PPP1R12A: variants seen among roughly 807,000 people sequenced by gnomAD.
PPP1R12A encodes the protein myosin binding subunit.
A neutral mutation model predicts 139.6 loss-of-function variants in PPP1R12A; 19 were observed. That is an observed-to-expected ratio of 0.14 (90% CI 0.09 to 0.20). The LOEUF is 0.20. Ranked by LOEUF, PPP1R12A falls within the 10% of genes least tolerant of loss-of-function variation. PPP1R12A has a pLI of 1.00. For synonymous variants in PPP1R12A, 427 were observed against 420.6 expected, an observed-to-expected ratio of 1.02 and a Z score of -0.19; for missense variants, 925 against 1,211.5, an observed-to-expected ratio of 0.76 and a Z score of 3.51.
At chr12:79,854,100 A>G (rs964911717) in intron 2 of PPP1R12A, among the ~76,000 whole-genome samples, 1 of 152,182 alleles carries the variant, frequency 6.6e-6, no homozygotes, top group Non-Finnish European at 1.5e-5. Context: ...TTTTATGGTA[A>G]GATCAAGAAA....
Position 79,861,479 on chromosome 12 carries a change from G to A in PPP1R12A, c.368+11329C>T, listed in dbSNP as rs149909468. 2.7e-3 allele frequency among the ~76,000 whole-genome samples: 410 copies of A among 152,284 alleles called. 1 individual carries two copies. The highest frequency in any genetic ancestry group is 9.2e-3 in the African/African-American group (381 of 41,566). ...ACTGGTTGGACAGTGGGTGCAGCCC[G>A]CAGAGGGCGAGCTGAAGCAGGGCGG... On this transcript the variant is annotated intron_variant, in intron 2 of 24. Coordinates refer to ENST00000450142, the MANE Select transcript of PPP1R12A (RefSeq NM_002480.3).
chr12:79,889,326 A>G (rs1884384894), intron 1 of PPP1R12A, among the ~76,000 whole-genome samples: 1 of 152,174 alleles, frequency 6.6e-6, no homozygotes, highest in Non-Finnish European at 1.5e-5. Context: ...AATGGCCTAC[A>G]TAGTAACATG....
intron 1 of PPP1R12A, among the ~76,000 whole-genome samples, chr12:79,907,670 A>C (rs1240509017): frequency 6.6e-6 from 1 of 152,218 alleles, no homozygotes; most frequent in Non-Finnish European, 1.5e-5. Context: ...AGGCCAAGGC[A>C]GGAGGATCAC....
intron 1 of PPP1R12A, among the ~76,000 whole-genome samples, chr12:79,932,995 C>T (rs1888360695): frequency 6.6e-6 from 1 of 152,124 alleles, no homozygotes; most frequent in African/African-American, 2.4e-5. Flanking sequence ...GTGTAAAGTA[C>T]ACTTGAAAGA....
intron 1 of PPP1R12A, among the ~76,000 whole-genome samples, chr12:79,907,901 A>C (rs1227888595): frequency 6.6e-6 from 1 of 152,140 alleles, no homozygotes; most frequent in African/African-American, 2.4e-5. Flanking sequence ...TAGCCTCTAT[A>C]TATTAATCTA....
At chr12:79,869,240 A>G (rs1213649799) in intron 2 of PPP1R12A, among the ~76,000 whole-genome samples, 1 of 152,226 alleles carries the variant, frequency 6.6e-6, no homozygotes, top group Non-Finnish European at 1.5e-5. Flanking sequence ...ATTACGCTAC[A>G]GACCAAATGT....
At chr12:79,808,230 T>TAG (rs1182219805) in intron 11 of PPP1R12A, among the ~76,000 whole-genome samples, 2 of 152,116 alleles carry the variant, frequency 1.3e-5, no homozygotes, top group Non-Finnish European at 2.9e-5. Context: ...GAACTCATAC[T>TAG]AGTTCATGAC....
chr12:79,857,561 T>TA (rs985821942), intron 2 of PPP1R12A, among the ~76,000 whole-genome samples: 24 of 151,818 alleles, frequency 1.6e-4, no homozygotes, highest in Admixed American at 4.6e-4. Flanking sequence ...CCCTAGAACT[T>TA]AAAGTATAAT....
At chr12:79,877,360 TG>T (rs1158703614) in intron 1 of PPP1R12A, among the ~76,000 whole-genome samples, 2 of 152,092 alleles carry the variant, frequency 1.3e-5, no homozygotes, top group East Asian at 3.9e-4. Context: ...CACAGGGCAG[TG>T]GTTAAAAGAA....
chr12:79,870,947 T>A (rs1471054928), intron 2 of PPP1R12A, among the ~76,000 whole-genome samples: 2 of 152,250 alleles, frequency 1.3e-5, no homozygotes, highest in African/African-American at 4.8e-5. Context: ...GTTTTCCTCT[T>A]TGATGTACAC....
At chr12:79,903,866 A>G (rs2137487068) in intron 1 of PPP1R12A, among the ~76,000 whole-genome samples, 1 of 152,238 alleles carries the variant, frequency 6.6e-6, no homozygotes, top group African/African-American at 2.4e-5. Flanking sequence ...TAGCTGACCC[A>G]TTTTTCCCCC....
At chr12:79,779,537 A>G (rs1410585948) in intron 23 of PPP1R12A, 2 of 390,168 alleles carry the variant, frequency 5.1e-6, no homozygotes, top group Admixed American at 6.4e-5. Flanking sequence ...TTTAAGTACC[A>G]TGTTATTCCA....
intron 2 of PPP1R12A, among the ~76,000 whole-genome samples, chr12:79,872,220 T>C (rs1882649991): frequency 6.6e-6 from 1 of 151,994 alleles, no homozygotes; most frequent in Non-Finnish European, 1.5e-5. Flanking sequence ...ATAAGAAAAA[T>C]AATTTAATGA....
chr12:79,857,412 T>C (rs1470907133), intron 2 of PPP1R12A, among the ~76,000 whole-genome samples: 1 of 137,678 alleles, frequency 7.3e-6, no homozygotes, highest in African/African-American at 2.7e-5. Context: ...AAGGGGAACA[T>C]CACACTCTGG....
At chr12:79,784,454 G>C (rs189480090) in intron 22 of PPP1R12A, among the ~76,000 whole-genome samples, 2 of 152,168 alleles carry the variant, frequency 1.3e-5, no homozygotes, top group Admixed American at 6.5e-5. Flanking sequence ...CTCCATACTG[G>C]GTAGTAACAG....
At chr12:79,923,583 T>C (rs1006641604) in intron 1 of PPP1R12A, among the ~76,000 whole-genome samples, 1 of 152,198 alleles carries the variant, frequency 6.6e-6, no homozygotes, top group Non-Finnish European at 1.5e-5. Context: ...TGTTAAACTT[T>C]TAAATGGAGC....
At chr12:79,872,728 C>A in intron 2 of PPP1R12A, 80 bp downstream of exon 2, 1 of 1,422,268 alleles carries the variant, frequency 7.0e-7, no homozygotes, top group East Asian at 2.3e-5. Flanking sequence ...AGAGTTCACT[C>A]ATTTATCTTT....
chr12:79,935,278 C>G (rs887630892), upstream of PPP1R12A: 24 of 1,079,902 alleles, frequency 2.2e-5, no homozygotes, highest in African/African-American at 3.6e-4. Context: ...AGAGCGCTCC[C>G]GCGAACTGCG....
chr12:79,778,131 T>C (rs1869965469), intron 24 of PPP1R12A, among the ~76,000 whole-genome samples: 1 of 152,104 alleles, frequency 6.6e-6, no homozygotes, highest in Non-Finnish European at 1.5e-5. Flanking sequence ...CTAATGTCCT[T>C]TACTTTCAAA....
Sources: allele counts gnomAD v4.1 joint callset (sites outside exome capture counted in the v4.1 genomes callset), GRCh38; gene constraint gnomAD v4.1.1; transcripts MANE v1.5; gene names NCBI Gene and HGNC (gene_info 2026-07-23, HGNC 2026-07-21).